The following RNF180 variants were observed in gnomAD, a reference collection of about 807,000 sequenced individuals.
The protein encoded by RNF180 is E3 ubiquitin-protein ligase RNF180.
In RNF180, 38 loss-of-function variants were observed where a neutral mutation model predicts 59.2. The ratio of observed to expected loss-of-function variants is 0.64; its 90% CI spans 0.50 to 0.84. The LOEUF is 0.84. Ranked by LOEUF, RNF180 falls within the 40% of genes least tolerant of loss-of-function variation. The probability of loss-of-function intolerance (pLI) is 0.00; values close to 1 mark genes in which losing one functional copy is unlikely to be tolerated. For missense variants in RNF180, 705 were observed against 700.9 expected, an observed-to-expected ratio of 1.01 and a Z score of -0.07; for synonymous variants, 262 against 240.3, an observed-to-expected ratio of 1.09 and a Z score of -0.84.
intron 1 of RNF180, among the ~76,000 whole-genome samples, chr5:64,168,426 G>A (rs566279215): frequency 6.6e-6 from 1 of 152,166 alleles, no homozygotes; most frequent in Non-Finnish European, 1.5e-5. Context: ...ACTACAAAGG[G>A]GACAGTGCTT....
intron 5 of RNF180, among the ~76,000 whole-genome samples, chr5:64,295,257 G>T (rs983785613): frequency 6.6e-6 from 1 of 152,016 alleles, no homozygotes; most frequent in Non-Finnish European, 1.5e-5. Flanking sequence ...ATTCAGCCTG[G>T]GCTCTGCCCA....
intron 5 of RNF180, among the ~76,000 whole-genome samples, chr5:64,237,648 C>CGT (rs1742523501): frequency 6.6e-6 from 1 of 151,946 alleles, no homozygotes. Context: ...ATGGTTTGGC[C>CGT]GTGTGTCCCC....
intron 5 of RNF180, among the ~76,000 whole-genome samples, chr5:64,321,442 CCTAGGAATACAG>C (rs1744343017): frequency 6.6e-6 from 1 of 152,022 alleles, no homozygotes; most frequent in African/African-American, 2.4e-5. Context: ...GAATAAAATA[CCTAGGAATACAG>C]CTAACAAGGG....
chr5:64,197,665 G>A (rs1751525280), intron 1 of RNF180, among the ~76,000 whole-genome samples: 1 of 152,048 alleles, frequency 6.6e-6, no homozygotes, highest in East Asian at 1.9e-4. Context: ...AGAACCCATA[G>A]AGCACTTGTG....
chr5:64,208,554 CT>C (rs1580003488), intron 2 of RNF180, among the ~76,000 whole-genome samples: 1 of 122,968 alleles, frequency 8.1e-6, no homozygotes, highest in Non-Finnish European at 1.8e-5. Flanking sequence ...GATACATCCT[CT>C]TTACTTGTAG....
At chr5:64,203,915 A>C (rs774354492) in intron 2 of RNF180, among the ~76,000 whole-genome samples, 2 of 152,152 alleles carry the variant, frequency 1.3e-5, no homozygotes, top group Non-Finnish European at 2.9e-5. Context: ...AGGATCCTTT[A>C]AAGGAAACTG....
intron 7 of RNF180, among the ~76,000 whole-genome samples, chr5:64,359,717 A>G (rs1429598474): frequency 5.3e-5 from 8 of 151,826 alleles, no homozygotes; most frequent in African/African-American, 1.7e-4. Flanking sequence ...GCCCATGCCT[A>G]TGTCCTGAAT....
chr5:64,257,203 C>T (rs1209294692), intron 5 of RNF180, among the ~76,000 whole-genome samples: 1 of 152,100 alleles, frequency 6.6e-6, no homozygotes, highest in Non-Finnish European at 1.5e-5. Flanking sequence ...TGTATTTCTC[C>T]TCCCTGATTG....
intron 7 of RNF180, among the ~76,000 whole-genome samples, chr5:64,362,262 C>T (rs115093314): frequency 0.012 from 1,790 of 151,594 alleles, 15 homozygotes; most frequent in Non-Finnish European, 0.018. Flanking sequence ...TGATAGGCCC[C>T]GGTGTCTACT....
intron 1 of RNF180, among the ~76,000 whole-genome samples, chr5:64,194,691 A>G (rs1751364947): frequency 6.6e-6 from 1 of 152,106 alleles, no homozygotes. Context: ...TTTAATGATC[A>G]CCATTCAAAC....
chr5:64,192,265 A>G (rs1221005987), intron 1 of RNF180, among the ~76,000 whole-genome samples: 1 of 151,946 alleles, frequency 6.6e-6, no homozygotes, highest in East Asian at 1.9e-4. Flanking sequence ...TTACAATGAA[A>G]TATTGTCTCA....
chr5:64,316,100 G>A (rs888702068), intron 5 of RNF180, among the ~76,000 whole-genome samples: 3 of 151,976 alleles, frequency 2.0e-5, no homozygotes, highest in African/African-American at 4.8e-5. Context: ...TTTGTTTTTT[G>A]TTAGAAACAG....
chr5:64,372,806 C>T lies in RNF180; in HGVS notation c.*2992C>T, dbSNP rs989019551. On this transcript the variant is annotated 3_prime_UTR_variant, in exon 8 of 8. Transcript: ENST00000389100. ...AAGTGTTTGATTGTCAGTAAATTTTCGAAGAACATTAAAGTTCTACCAATG... is the reference window on the plus strand; with the variant it reads ...AAGTGTTTGATTGTCAGTAAATTTTTGAAGAACATTAAAGTTCTACCAATG... 2 of 151,652 alleles carry T rather than the reference C, an allele frequency of 1.3e-5. No homozygotes were observed. The highest frequency in any genetic ancestry group is 2.9e-5 in the Non-Finnish European group (2 of 67,856). 9.4% of individuals were successfully genotyped at this position (151,652 alleles called of 1,614,324 possible). A position where few individuals can be genotyped will look rare whatever the true frequency, so the allele number is the denominator to read the frequency against.
intron 1 of RNF180, among the ~76,000 whole-genome samples, chr5:64,173,387 A>C (rs1355495158): frequency 6.6e-6 from 1 of 152,208 alleles, no homozygotes; most frequent in African/African-American, 2.4e-5. Context: ...TTGGGGGTAC[A>C]GTGTGATGTT....
chr5:64,328,883 G>A lies in RNF180; in HGVS notation c.1454-1398G>A, dbSNP rs148301256. On this transcript the variant is annotated intron_variant, in intron 6 of 7. Transcript: ENST00000389100. The stretch of plus-strand genomic sequence containing the variant: ...TTGCGGGATGAAAGTAAGAGGGGAT[G>A]GTTGATGGAAAGCCTAGTTTACTTC... Among the ~76,000 whole-genome samples the A allele has an allele frequency of 1.4e-4, 21 of 152,286 alleles. No individual in the cohort carries two copies. In the East Asian group the frequency reaches 3.9e-3, roughly 28 times the overall value.
chr5:64,369,470 A>T lies in RNF180; in HGVS notation c.1580-145A>T, dbSNP rs1169530836. 4 of 485,856 alleles carry T rather than the reference A, an allele frequency of 8.2e-6. No homozygotes were observed. In the East Asian group the frequency reaches 9.7e-5, roughly 12 times the overall value. The allele number at this position is 485,856 out of a possible 1,614,324, so 30.1% of individuals were successfully genotyped here. ...AAACTTAAAGTATAATAATAATAAA[A>T]AAAAAAGAAAAAACTGTCAGGAATA... On this transcript the variant is annotated intron_variant, in intron 7 of 7. Coordinates refer to ENST00000389100, the MANE Select transcript of RNF180 (RefSeq NM_001113561.2).
At chr5:64,313,240 GATTA>G (rs1460757090) in intron 5 of RNF180, among the ~76,000 whole-genome samples, 2 of 152,032 alleles carry the variant, frequency 1.3e-5, no homozygotes, top group African/African-American at 4.8e-5. Flanking sequence ...TTGTTGTATA[GATTA>G]ATTAATCACC....
chr5:64,271,443 T>C (rs536833526), intron 5 of RNF180, among the ~76,000 whole-genome samples: 4 of 152,214 alleles, frequency 2.6e-5, no homozygotes, highest in African/African-American at 9.6e-5. Flanking sequence ...GGACCACATA[T>C]AAAATAGTCA....
intron 5 of RNF180, among the ~76,000 whole-genome samples, chr5:64,225,015 T>G (rs1419886745): frequency 1.3e-5 from 2 of 152,144 alleles, no homozygotes; most frequent in African/African-American, 2.4e-5. Flanking sequence ...TTTTCTTGTC[T>G]CAATAAATTA....
Sources: gnomAD v4.1 joint callset for allele counts (sites outside exome capture counted in the v4.1 genomes callset) on GRCh38, gnomAD v4.1.1 for gene constraint, MANE v1.5 for transcripts, NCBI Gene and HGNC (gene_info 2026-07-23, HGNC 2026-07-21) for gene names.